FOCAD: variants seen among roughly 807,000 people sequenced by gnomAD.
FOCAD encodes the protein focadhesin.
A neutral mutation model predicts 225.6 loss-of-function variants in FOCAD; 198 were observed. The observed-to-expected ratio is 0.88, with a 90% CI of 0.78 to 0.99. The LOEUF is 0.99. Ranked by LOEUF, FOCAD falls within the 50% of genes least tolerant of loss-of-function variation. The probability of loss-of-function intolerance (pLI) is 0.00; values close to 1 mark genes in which losing one functional copy is unlikely to be tolerated. For missense variants in FOCAD, 2,713 were observed against 2,123.6 expected (o/e 1.28, Z -5.46); for synonymous variants, 897 against 755.0 (o/e 1.19, Z -3.08).
chr9:20,886,272 G>A (rs1246312162), intron 21 of FOCAD, among the ~76,000 whole-genome samples: 1 of 152,090 alleles, frequency 6.6e-6, no homozygotes, highest in Non-Finnish European at 1.5e-5. Context: ...GAAGGATCTG[G>A]GAAGAGCAAC....
chr9:20,753,761 T>C (rs1417437922), intron 5 of FOCAD, among the ~76,000 whole-genome samples: 2 of 152,004 alleles, frequency 1.3e-5, no homozygotes, highest in Non-Finnish European at 2.9e-5. Context: ...ATGATTATGA[T>C]AGTGTTCTGT....
chr9:20,683,056 C>A (rs559768548), upstream of FOCAD, among the ~76,000 whole-genome samples: 20 of 152,274 alleles, frequency 1.3e-4, no homozygotes, highest in African/African-American at 4.1e-4. Context: ...TGAGCCCCCC[C>A]ACCTGGCCCC....
At chr9:20,885,983 ATAAT>A (rs1395465234) in intron 21 of FOCAD, among the ~76,000 whole-genome samples, 1 of 152,250 alleles carries the variant, frequency 6.6e-6, no homozygotes, top group Admixed American at 6.5e-5. Context: ...TGATGTAAAA[ATAAT>A]TAGCATTTCT....
Position 20,665,253 on chromosome 9 carries a change from T to C in FOCAD, c.-78+6427T>C, listed in dbSNP as rs186038637. ...TAATTGTATAGGTTTCCAAGTCTTATAGAAGAGTATGATAGTGATGATAGT... is the reference window on the plus strand; with the variant it reads ...TAATTGTATAGGTTTCCAAGTCTTACAGAAGAGTATGATAGTGATGATAGT... On this transcript the variant is annotated intron_variant, in intron 2 of 45. Coordinates refer to the FOCAD transcript ENST00000380249. 1.7e-3 allele frequency among the ~76,000 whole-genome samples: 255 copies of C among 152,316 alleles called. 1 individual carries two copies. Among genetic ancestry groups the C allele is most frequent in the Non-Finnish European group, 1.2e-3 (79 of 68,002 alleles).
intron 4 of FOCAD, among the ~76,000 whole-genome samples, chr9:20,730,406 C>CA (rs1285656854): frequency 6.6e-6 from 1 of 151,884 alleles, no homozygotes; most frequent in Non-Finnish European, 1.5e-5. Context: ...TACTAAATTC[C>CA]AAAATAATGA....
At chr9:20,740,152 T>C (rs1221684707) in intron 4 of FOCAD, 84 bp from the exon 5 acceptor site, 1 of 896,078 alleles carries the variant, frequency 1.1e-6, no homozygotes, top group Non-Finnish European at 1.8e-6. Flanking sequence ...AGTATTAAAA[T>C]TATTTTAAAA....
intron 15 of FOCAD, among the ~76,000 whole-genome samples, chr9:20,843,039 GTTTCTA>G (rs1345295248): frequency 6.6e-6 from 1 of 151,572 alleles, no homozygotes; most frequent in Non-Finnish European, 1.5e-5. Flanking sequence ...TCTTTTTGTT[GTTTCTA>G]TTTATATCTT....
chr9:20,992,618 C>T (rs2132717170), intron 42 of FOCAD, among the ~76,000 whole-genome samples: 1 of 152,146 alleles, frequency 6.6e-6, no homozygotes, highest in African/African-American at 2.4e-5. Flanking sequence ...AGATAATGTT[C>T]CTGGCACACA....
At chr9:20,777,275 AACTT>A (rs1291835801) in intron 8 of FOCAD, among the ~76,000 whole-genome samples, 3 of 146,958 alleles carry the variant, frequency 2.0e-5, no homozygotes, top group East Asian at 2.0e-4. Flanking sequence ...ATGTGGCTCT[AACTT>A]ACAGATTTCC....
intron 8 of FOCAD, among the ~76,000 whole-genome samples, chr9:20,777,171 A>G (rs1818843664): frequency 6.6e-6 from 1 of 152,062 alleles, no homozygotes; most frequent in Non-Finnish European, 1.5e-5. Flanking sequence ...CTGAGATTTT[A>G]GAGGGTATTT....
chr9:20,711,546 G>A (rs2131478547), intron 1 of FOCAD, among the ~76,000 whole-genome samples: 1 of 152,298 alleles, frequency 6.6e-6, no homozygotes, highest in South Asian at 2.1e-4. Context: ...CTGCCATGAG[G>A]AACTAAGATG....
At chr9:20,948,992 A>G (rs1283974936) in intron 32 of FOCAD, 64 bp downstream of exon 32, 1 of 1,461,312 alleles carries the variant, frequency 6.8e-7, no homozygotes, top group African/African-American at 1.4e-5. Context: ...CGGGAGAAGA[A>G]TACCCAGTGT....
chr9:20,828,553 A>T (rs568156733), intron 15 of FOCAD, among the ~76,000 whole-genome samples: 54 of 152,262 alleles, frequency 3.5e-4, no homozygotes, highest in African/African-American at 1.3e-3. Context: ...TTGCACCAGC[A>T]TTGTAAGAAG....
At chr9:20,777,304 G>GTTTTTTTTTTTTTTTTTTTTGTT (rs1818860760) in intron 8 of FOCAD, among the ~76,000 whole-genome samples, 1 of 110,866 alleles carries the variant, frequency 9.0e-6, no homozygotes, top group Non-Finnish European at 1.8e-5. Context: ...TTTCCTGTGG[G>GTTTTTTTTTTTTTTTTTTTTGTT]TTTTTTTTTT....
At chr9:20,829,033 A>T (rs1587329203) in intron 15 of FOCAD, among the ~76,000 whole-genome samples, 3 of 152,092 alleles carry the variant, frequency 2.0e-5, no homozygotes. Context: ...GATCTGGTCT[A>T]TCATTGATGG....
intron 10 of FOCAD, among the ~76,000 whole-genome samples, chr9:20,782,250 A>T (rs544998547): frequency 6.6e-5 from 10 of 152,314 alleles, no homozygotes; most frequent in African/African-American, 2.4e-4. Context: ...ATCATTTTTT[A>T]AAATTATACT....
chr9:20,926,089 CATCTTATTTCTTTTGGGGCACAG>C, intron 25 of FOCAD, among the ~76,000 whole-genome samples, 189 bp from the exon 26 acceptor site: 3 of 152,078 alleles, frequency 2.0e-5, no homozygotes, highest in Non-Finnish European at 4.4e-5. Context: ...ATAAAAGATA[CATCTTATTTCTTTTGGGGCACAG>C]GTGAGGATGT....
At chr9:20,874,579 C>CT in intron 18 of FOCAD, 102 bp from the exon 19 acceptor site, 1 of 1,260,608 alleles carries the variant, frequency 7.9e-7, no homozygotes, top group Non-Finnish European at 1.1e-6. Flanking sequence ...GTGATGGAGT[C>CT]TAACAAAATT....
rs1257139141 is a variant in FOCAD, at chr9:20,949,617, C to G, written c.3890C>G (p.Ala1297Gly). 6.2e-7 allele frequency: 1 copy of G among 1,612,898 alleles called. No individual in the cohort carries two copies. Among genetic ancestry groups the G allele is most frequent in the Non-Finnish European group, 8.5e-7 (1 of 1,179,260 alleles). Residue 1297 changes from alanine (A) to glycine (G), a missense_variant, in exon 33 of 44, where the codon GCC becomes GGC. Physicochemically the swap from Ala to Gly is moderately conservative, Grantham distance 60. Transcript: ENST00000338382. ...TTATTCTTTCAGCTGAAATCAGAAG[C>G]CATCCAGACCTCTCATTTTCAAGGC... ...EGDVMQLKSE[A>G]IQTSHFQGRL...
Sources: gnomAD v4.1 joint callset for allele counts (sites outside exome capture counted in the v4.1 genomes callset) on GRCh38, gnomAD v4.1.1 for gene constraint, MANE v1.5 for transcripts, NCBI Gene and HGNC (gene_info 2026-07-23, HGNC 2026-07-21) for gene names.